The following CDH13 variants were observed in gnomAD, a reference collection of about 807,000 sequenced individuals.
CDH13 encodes the protein cadherin 13.
CDH13 carries 24 observed loss-of-function variants against 63.8 expected under a neutral mutation model. The ratio of observed to expected loss-of-function variants is 0.38; its 90% CI spans 0.27 to 0.53. The LOEUF is 0.53. CDH13 is among the 20% of genes least tolerant of loss of function. The probability of loss-of-function intolerance (pLI) is 0.85; values close to 1 mark genes in which losing one functional copy is unlikely to be tolerated. For synonymous variants in CDH13, 503 were observed against 355.3 expected, an observed-to-expected ratio of 1.42 and a Z score of -4.67; for missense variants, 1,049 against 903.1, an observed-to-expected ratio of 1.16 and a Z score of -2.07.
chr16:83,002,063 G>C (rs920622590), intron 2 of CDH13, among the ~76,000 whole-genome samples: 1 of 152,188 alleles, frequency 6.6e-6, no homozygotes, highest in Non-Finnish European at 1.5e-5. Flanking sequence ...CTGTCTTCTA[G>C]GCACTGAAGA....
chr16:83,478,040 G>T (rs537713852), intron 6 of CDH13, among the ~76,000 whole-genome samples: 14 of 151,706 alleles, frequency 9.2e-5, no homozygotes, highest in Non-Finnish European at 1.9e-4. Flanking sequence ...AATTAGCCAG[G>T]CTTGGTGGTC....
chr16:83,392,677 A>G (rs1460422396), intron 6 of CDH13, among the ~76,000 whole-genome samples: 1 of 152,270 alleles, frequency 6.6e-6, no homozygotes, highest in East Asian at 1.9e-4. Flanking sequence ...AAGTCGTGAT[A>G]TAAAACAAGA....
chr16:82,809,468 C>T (rs1348231761), intron 1 of CDH13, among the ~76,000 whole-genome samples: 1 of 152,054 alleles, frequency 6.6e-6, no homozygotes, highest in Non-Finnish European at 1.5e-5. Context: ...TAAGAATTCG[C>T]TCAGGGCATG....
intron 2 of CDH13, among the ~76,000 whole-genome samples, chr16:82,955,811 A>C (rs1906000366): frequency 6.6e-6 from 1 of 152,218 alleles, no homozygotes; most frequent in Non-Finnish European, 1.5e-5. Flanking sequence ...CTCTGCTCTA[A>C]AATGTCACAC....
chr16:82,756,681 C>T (rs2034622559), intron 1 of CDH13, among the ~76,000 whole-genome samples: 1 of 152,052 alleles, frequency 6.6e-6, no homozygotes, highest in African/African-American at 2.4e-5. Context: ...TTTCTCCTTC[C>T]TCGTTAGTAT....
chr16:83,197,759 TACAC>T lies in CDH13; in HGVS notation c.484-19575_484-19572del, dbSNP rs147666204. Among the ~76,000 whole-genome samples the T allele has an allele frequency of 2.0e-5, 3 of 150,944 alleles. No homozygotes were observed. In the East Asian group the frequency reaches 5.9e-4, roughly 30 times the overall value. On this transcript the variant is annotated intron_variant, in intron 4 of 13. Transcript: ENST00000567109. Reference sequence around the variant, plus strand: ...GTAGATAAAACTGCAAAAAACTAAATACACACACACACACTCTCACACACTCACA... The same window carrying T: ...GTAGATAAAACTGCAAAAAACTAAATACACACACACTCTCACACACTCACA...
chr16:82,942,565 C>T (rs1904303230), intron 2 of CDH13, among the ~76,000 whole-genome samples: 1 of 152,160 alleles, frequency 6.6e-6, no homozygotes, highest in Non-Finnish European at 1.5e-5. Flanking sequence ...CTTTGTGCGT[C>T]TGCATTCTAG....
chr16:82,910,519 T>A (rs559045550), intron 2 of CDH13, among the ~76,000 whole-genome samples: 1 of 152,300 alleles, frequency 6.6e-6, no homozygotes, highest in South Asian at 2.1e-4. Flanking sequence ...AACCTTGAAC[T>A]CCCTGGAGTC....
intron 11 of CDH13, among the ~76,000 whole-genome samples, chr16:83,777,143 C>G (rs1352388441): frequency 6.6e-6 from 1 of 152,238 alleles, no homozygotes; most frequent in Non-Finnish European, 1.5e-5. Flanking sequence ...GCTGGTCCGC[C>G]TGCCTGCAGG....
intron 4 of CDH13, among the ~76,000 whole-genome samples, chr16:83,172,900 A>G (rs1378150138): frequency 3.3e-5 from 5 of 152,158 alleles, no homozygotes; most frequent in Non-Finnish European, 7.4e-5. Flanking sequence ...CATTTCATCA[A>G]GTATAATGAA....
Position 83,494,095 on chromosome 16 carries a change from T to C in CDH13, c.960+7440T>C, listed in dbSNP as rs538958493. 2.0e-5 allele frequency among the ~76,000 whole-genome samples: 3 copies of C among 152,360 alleles called. No homozygotes were observed. The East Asian group carries it at 5.8e-4, about 29-fold the overall frequency. The stretch of plus-strand genomic sequence containing the variant: ...CACTTAACTTTATCATGAAGAAAGA[T>C]TCATCTTTTTAGATTTAACAAATGT... On this transcript the variant is annotated intron_variant, in intron 7 of 13. Coordinates refer to ENST00000567109, the MANE Select transcript of CDH13 (RefSeq NM_001257.5).
At chr16:83,141,841 T>A (rs910006860) in intron 4 of CDH13, among the ~76,000 whole-genome samples, 1 of 152,232 alleles carries the variant, frequency 6.6e-6, no homozygotes, top group Non-Finnish European at 1.5e-5. Context: ...GCAAAGGACA[T>A]GAATTCATTC....
intron 11 of CDH13, among the ~76,000 whole-genome samples, chr16:83,769,781 G>A (rs923734709): frequency 1.3e-5 from 2 of 152,176 alleles, no homozygotes; most frequent in African/African-American, 4.8e-5. Context: ...AGATCACTGG[G>A]GCACGTAGAT....
intron 8 of CDH13, among the ~76,000 whole-genome samples, chr16:83,643,754 A>T (rs1911528876): frequency 6.6e-6 from 1 of 152,214 alleles, no homozygotes; most frequent in Non-Finnish European, 1.5e-5. Context: ...CCTACCAAAT[A>T]GAATGAATGA....
At position 83,106,944 on chromosome 16, in the gene CDH13, A is replaced by G. The variant is rs185626485; in HGVS notation, c.367-18441A>G. 6.6e-5 allele frequency among the ~76,000 whole-genome samples: 10 copies of G among 152,220 alleles called. No individual in the cohort carries two copies. The East Asian group carries it at 1.9e-3, about 29-fold the overall frequency. ...TCTGGTGTGGCAGTATGAGCCCAAC[A>G]TATAGTGCATCCCTCCTACCGAATG... On this transcript the variant is annotated intron_variant, in intron 3 of 13. Transcript: ENST00000567109.
chr16:82,789,799 C>T (rs761789174), intron 1 of CDH13, among the ~76,000 whole-genome samples: 3 of 152,120 alleles, frequency 2.0e-5, no homozygotes, highest in African/African-American at 7.2e-5. Context: ...ATTTTGAGAG[C>T]CTTCATGTCT....
chr16:82,935,243 C>A (rs1490022812), intron 2 of CDH13, among the ~76,000 whole-genome samples: 2 of 152,174 alleles, frequency 1.3e-5, no homozygotes, highest in East Asian at 3.9e-4. Flanking sequence ...AGAGACAGCT[C>A]CTTATAAAGC....
chr16:82,628,778 T>G (rs1475312817), intron 1 of CDH13, among the ~76,000 whole-genome samples: 2 of 152,180 alleles, frequency 1.3e-5, no homozygotes, highest in East Asian at 1.9e-4. Flanking sequence ...ATACCCCAAT[T>G]TAGCAAGGCG....
At chr16:83,586,274 C>T (rs993573774) in intron 7 of CDH13, among the ~76,000 whole-genome samples, 1 of 152,166 alleles carries the variant, frequency 6.6e-6, no homozygotes, top group Non-Finnish European at 1.5e-5. Context: ...TTCTTCCCAC[C>T]GGCACAGGGC....
Sources: gnomAD v4.1 joint callset for allele counts (sites outside exome capture counted in the v4.1 genomes callset) on GRCh38, gnomAD v4.1.1 for gene constraint, MANE v1.5 for transcripts, NCBI Gene and HGNC (gene_info 2026-07-23, HGNC 2026-07-21) for gene names.